Variants in SETDB2 observed in about 807,000 individuals in gnomAD.
SETDB2 encodes histone-lysine N-methyltransferase SETDB2.
A neutral mutation model predicts 82.5 loss-of-function variants in SETDB2; 56 were observed. That is an observed-to-expected ratio of 0.68 (90% CI 0.55 to 0.85). SETDB2 has a LOEUF of 0.85. SETDB2 is among the 40% of genes least tolerant of loss of function. The pLI, the probability that SETDB2 is intolerant of heterozygous loss-of-function variation, is 0.00. For synonymous variants in SETDB2, 272 were observed against 284.9 expected (o/e 0.95, Z 0.46); for missense variants, 677 against 816.4 (o/e 0.83, Z 2.08).
chr13:49,465,403 A>T (rs1441685564), intron 4 of SETDB2, among the ~76,000 whole-genome samples: 1 of 152,150 alleles, frequency 6.6e-6, no homozygotes, highest in Non-Finnish European at 1.5e-5. Flanking sequence ...TTTTGTTCAT[A>T]TTTGTTAATA....
chr13:49,458,921 A>G (rs970360510), intron 2 of SETDB2, among the ~76,000 whole-genome samples: 8 of 152,224 alleles, frequency 5.3e-5, no homozygotes, highest in East Asian at 1.9e-4. Flanking sequence ...GTAGCTTTCC[A>G]TATAAAAGGT....
At chr13:49,474,460 C>T (rs1326317036) in intron 5 of SETDB2, among the ~76,000 whole-genome samples, 5 of 152,168 alleles carry the variant, frequency 3.3e-5, no homozygotes, top group African/African-American at 1.2e-4. Context: ...GCCTTGTGAC[C>T]TAGCACTCCC....
intron 1 of SETDB2, among the ~76,000 whole-genome samples, chr13:49,448,303 T>C (rs1252543568): frequency 6.6e-6 from 1 of 152,202 alleles, no homozygotes; most frequent in Non-Finnish European, 1.5e-5. Flanking sequence ...ATGTTTAAAA[T>C]CTCTTCAGTA....
chr13:49,457,175 T>C (rs1957897930), intron 2 of SETDB2, among the ~76,000 whole-genome samples: 1 of 151,214 alleles, frequency 6.6e-6, no homozygotes, highest in African/African-American at 2.4e-5. Context: ...AAGTAGTTCC[T>C]ACCAGAATAA....
At chr13:49,476,429 A>T (rs773392908) in intron 5 of SETDB2, 47 bp from the exon 6 acceptor site, 1 of 1,240,510 alleles carries the variant, frequency 8.1e-7, no homozygotes, top group Admixed American at 2.3e-5. Flanking sequence ...TAAAATGAGG[A>T]ATTGAACTAT....
At chr13:49,488,759 T>C (rs1488306898) in intron 12 of SETDB2, 129 bp downstream of exon 12, 2 of 705,784 alleles carry the variant, frequency 2.8e-6, no homozygotes, top group African/African-American at 1.8e-5. Flanking sequence ...CCTCCACTTG[T>C]ATACAGTTGG....
At chr13:49,489,770 A>G (rs1373936185) in intron 12 of SETDB2, among the ~76,000 whole-genome samples, 1 of 149,576 alleles carries the variant, frequency 6.7e-6, no homozygotes, top group African/African-American at 2.4e-5. Context: ...TAATTTTTGC[A>G]TTTTTAGTAG....
chr13:49,481,202 CT>C, intron 8 of SETDB2, 86 bp downstream of exon 8: 1 of 1,265,718 alleles, frequency 7.9e-7, no homozygotes, highest in Non-Finnish European at 1.1e-6. Flanking sequence ...CTGTTGAGAG[CT>C]TACAGCAAGG....
intron 5 of SETDB2, among the ~76,000 whole-genome samples, chr13:49,476,205 G>A (rs1389753270): frequency 6.6e-6 from 1 of 152,142 alleles, no homozygotes; most frequent in Non-Finnish European, 1.5e-5. Flanking sequence ...AGGATCACTT[G>A]GGGACAAGAG....
chr13:49,479,784 G>A (rs1345134021), intron 6 of SETDB2, among the ~76,000 whole-genome samples: 3 of 152,130 alleles, frequency 2.0e-5, no homozygotes, highest in Admixed American at 6.5e-5. Flanking sequence ...GCAGATACCC[G>A]GCATCAATCT....
At chr13:49,462,410 T>G (rs183437532) in intron 4 of SETDB2, among the ~76,000 whole-genome samples, 179 of 152,316 alleles carry the variant, frequency 1.2e-3, no homozygotes, top group Middle Eastern at 3.4e-3. Context: ...GAAGTTCTTA[T>G]GTCAGGAACT....
At chr13:49,453,357 C>T (rs567870728) in intron 2 of SETDB2, among the ~76,000 whole-genome samples, 130 of 151,540 alleles carry the variant, frequency 8.6e-4, no homozygotes, top group African/African-American at 2.9e-3. Flanking sequence ...TGTGCAGCAG[C>T]GCAATCTTGG....
At chr13:49,467,569 A>G (rs139527931) in intron 4 of SETDB2, among the ~76,000 whole-genome samples, 47 of 152,356 alleles carry the variant, frequency 3.1e-4, no homozygotes, top group African/African-American at 1.1e-3. Flanking sequence ...TGCATGCAGA[A>G]GTAGGGATAC....
In SETDB2 at chr13:49,485,647, G is replaced by A. The variant is rs778537673; in HGVS notation, c.1500G>A (p.Glu500=). 23 of 1,612,848 alleles carry A rather than the reference G, an allele frequency of 1.4e-5. No individual in the cohort carries two copies. The highest frequency in any genetic ancestry group is 1.9e-5 in the Non-Finnish European group (22 of 1,179,674). ...TTTTTAAGGAATTTGTTTCCTCGGA[G>A]TCTGTCACTCCAGAAGATAATGATG... ...NGKKMEFVSS[E]SVTPEDNDGF... The change falls in exon 11 of 14, where the codon GAG becomes GAA. Residue 500 remains glutamate (E), a synonymous_variant. Transcript: ENST00000611815.
intron 5 of SETDB2, among the ~76,000 whole-genome samples, chr13:49,471,311 T>C (rs1419575233): frequency 6.6e-6 from 1 of 151,996 alleles, no homozygotes; most frequent in African/African-American, 2.4e-5. Flanking sequence ...GAATTTCTAC[T>C]CCACATAAGT....
At chr13:49,460,258 A>G (rs745472536) in intron 3 of SETDB2, 26 bp downstream of exon 3, 1 of 1,606,430 alleles carries the variant, frequency 6.2e-7, no homozygotes, top group African/African-American at 1.3e-5. Context: ...AACTTTGAAT[A>G]TGTTTAATAC....
intron 8 of SETDB2, 100 bp downstream of exon 8, chr13:49,481,216 A>T: frequency 1.9e-6 from 2 of 1,070,818 alleles, no homozygotes; most frequent in Non-Finnish European, 2.7e-6. Context: ...CAGCAAGGTA[A>T]AGAGTAACAG....
Position 49,476,546 on chromosome 13 carries a change from T to A in SETDB2, c.376T>A (p.Ser126Thr). ...VVDFREKDSS[S>T]NLSYQSHDCS... ...AGACTTTAGAGAAAAAGACTCATCT[T>A]CGAATTTATCTTACCAAAGTCATGA... The change falls in exon 6 of 14, where the codon TCG becomes ACG. Residue 126 changes from serine (S) to threonine (T), a missense_variant. Physicochemically the swap from Ser to Thr is moderately conservative, Grantham distance 58. Coordinates refer to ENST00000611815, the MANE Select transcript of SETDB2 (RefSeq NM_001160308.3). 1 of 1,613,830 alleles carries A rather than the reference T, an allele frequency of 6.2e-7. No homozygotes were observed. The highest frequency in any genetic ancestry group is 8.5e-7 in the Non-Finnish European group (1 of 1,179,878).
At chr13:49,490,496 T>C (rs991078529) in intron 12 of SETDB2, among the ~76,000 whole-genome samples, 45 of 152,260 alleles carry the variant, frequency 3.0e-4, no homozygotes, top group African/African-American at 1.1e-3. Context: ...CATGGAAACA[T>C]ATACAGATGA....
Sources: allele counts gnomAD v4.1 joint callset (sites outside exome capture counted in the v4.1 genomes callset), GRCh38; gene constraint gnomAD v4.1.1; transcripts MANE v1.5; gene names NCBI Gene and HGNC (gene_info 2026-07-23, HGNC 2026-07-21).